The following PKD1L1 variants were observed in gnomAD, a reference collection of about 807,000 sequenced individuals.
PKD1L1 encodes the protein polycystin 1 like 1, transient receptor potential channel interacting.
In PKD1L1, 236 loss-of-function variants were observed where a neutral mutation model predicts 323.4. The ratio of observed to expected loss-of-function variants is 0.73; its 90% CI spans 0.66 to 0.81. The LOEUF is 0.81. Among genes scored for constraint, PKD1L1 ranks in the 40% least tolerant of loss-of-function variants. The pLI is 0.00. For missense variants in PKD1L1, 3,320 were observed against 3,508.0 expected, an observed-to-expected ratio of 0.95 and a Z score of 1.35; for synonymous variants, 1,344 against 1,335.0, an observed-to-expected ratio of 1.01 and a Z score of -0.15.
chr7:47,894,419 C>T (rs1786892693), intron 14 of PKD1L1, among the ~76,000 whole-genome samples: 1 of 152,204 alleles, frequency 6.6e-6, no homozygotes, highest in South Asian at 2.1e-4. Context: ...ACTTCCTTCA[C>T]CTATCTTAGA....
At chr7:47,802,981 A>G (rs1784697491) in intron 53 of PKD1L1, among the ~76,000 whole-genome samples, 1 of 152,248 alleles carries the variant, frequency 6.6e-6, no homozygotes, top group African/African-American at 2.4e-5. Flanking sequence ...TGTAAGGTAT[A>G]GTACAGAGCA....
Position 47,933,355 on chromosome 7 carries a change from G to A in PKD1L1, c.399-1299C>T, listed in dbSNP as rs751222694. Among the ~76,000 whole-genome samples, 139 of 152,062 alleles carry A rather than the reference G, an allele frequency of 9.1e-4. 1 individual carries two copies. Among genetic ancestry groups the A allele is most frequent in the Non-Finnish European group, 8.4e-4 (57 of 68,026 alleles). ...TCTGTAATTGCCCCCTTCCTGAGTCGTCATTTTTTCTTTAAAACTTGAGCC... is the reference window on the plus strand; with the variant it reads ...TCTGTAATTGCCCCCTTCCTGAGTCATCATTTTTTCTTTAAAACTTGAGCC... On this transcript the variant is annotated intron_variant, in intron 4 of 56. Coordinates refer to ENST00000289672, the MANE Select transcript of PKD1L1 (RefSeq NM_138295.5).
intron 13 of PKD1L1, among the ~76,000 whole-genome samples, chr7:47,901,437 A>G (rs983049308): frequency 6.6e-6 from 1 of 152,196 alleles, no homozygotes; most frequent in African/African-American, 2.4e-5. Context: ...TAAAAAACTC[A>G]AGAAAACCAC....
chr7:47,841,088 A>G (rs144747172), intron 34 of PKD1L1, among the ~76,000 whole-genome samples: 423 of 152,352 alleles, frequency 2.8e-3, no homozygotes, highest in South Asian at 8.9e-3. Flanking sequence ...TTCATTTAAG[A>G]AAGATATTTC....
intron 36 of PKD1L1, among the ~76,000 whole-genome samples, chr7:47,838,522 T>C (rs950066360): frequency 6.7e-6 from 1 of 148,152 alleles, no homozygotes; most frequent in African/African-American, 2.6e-5. Flanking sequence ...TGGGCCACTA[T>C]ATAGCCCTGA....
At chr7:47,866,968 G>T (rs558985361) in intron 24 of PKD1L1, among the ~76,000 whole-genome samples, 1 of 152,188 alleles carries the variant, frequency 6.6e-6, no homozygotes, top group South Asian at 2.1e-4. Context: ...CAATAATTGC[G>T]CATTTATTTA....
chr7:47,796,949 G>A (rs868782560), intron 54 of PKD1L1, among the ~76,000 whole-genome samples: 35 of 149,370 alleles, frequency 2.3e-4, no homozygotes, highest in Middle Eastern at 3.4e-3. Context: ...GCAGTGAGCA[G>A]AGATTGCGCC....
rs1785296170 is a variant in PKD1L1, at chr7:47,829,360, T to G, written c.6735+65A>C. The G allele has an allele frequency of 1.5e-5, 22 of 1,434,544 alleles. No individual in the cohort carries two copies. In the South Asian group the frequency reaches 2.9e-4, roughly 19 times the overall value. The allele number at this position is 1,434,544 out of a possible 1,614,324, so 88.9% of individuals were successfully genotyped here. On this transcript the variant is annotated intron_variant, in intron 44 of 56. Transcript: ENST00000289672. Reference sequence around the variant, plus strand: ...TGAATTCAAAGCCTACATTCAGATATGCATGATAGAATATAAAGTAGTTTT... The same window carrying G: ...TGAATTCAAAGCCTACATTCAGATAGGCATGATAGAATATAAAGTAGTTTT...
intron 41 of PKD1L1, 93 bp downstream of exon 41, chr7:47,832,997 G>T (rs372457594): frequency 6.9e-7 from 1 of 1,453,470 alleles, no homozygotes; most frequent in Non-Finnish European, 9.2e-7. Flanking sequence ...GTGACATTTG[G>T]CCCAATTGTG....
chr7:47,868,551 T>C (rs973459994), intron 24 of PKD1L1, among the ~76,000 whole-genome samples: 8 of 152,024 alleles, frequency 5.3e-5, no homozygotes, highest in Non-Finnish European at 7.4e-5. Flanking sequence ...TCTAAAAATA[T>C]ATTTGTGCTC....
Position 47,867,548 on chromosome 7 carries a change from A to T in PKD1L1, c.3897-934T>A, listed in dbSNP as rs116991790. On this transcript the variant is annotated intron_variant, in intron 24 of 56. Transcript: ENST00000289672. Reference sequence around the variant, plus strand: ...AGTTATCAATGAAAAATTATGAGACATCCAAAGAAACATTAAGTGTGACCC... The same window carrying T: ...AGTTATCAATGAAAAATTATGAGACTTCCAAAGAAACATTAAGTGTGACCC... Among the ~76,000 whole-genome samples, 461 of 152,342 alleles carry T rather than the reference A, an allele frequency of 3.0e-3. 3 individuals are homozygous for T. Among genetic ancestry groups the T allele is most frequent in the Non-Finnish European group, 5.0e-3 (340 of 68,030 alleles).
Position 47,931,290 on chromosome 7 carries a change from C to T in PKD1L1, c.551G>A (p.Cys184Tyr). ...LQGTTSAAAPCSLKMEASCCV... is the reference protein window; with the variant it reads ...LQGTTSAAAPYSLKMEASCCV... Reference sequence around the variant, plus strand: ...GCAGGAAGCCTCCATCTTCAGGCTGCAGGGAGCTGCTGCAGAAGTGGTGCC... The same window carrying T: ...GCAGGAAGCCTCCATCTTCAGGCTGTAGGGAGCTGCTGCAGAAGTGGTGCC... Residue 184 changes from cysteine (C) to tyrosine (Y), a missense_variant, in exon 6 of 57, where the codon TGC becomes TAC. Coordinates refer to ENST00000289672, the MANE Select transcript of PKD1L1 (RefSeq NM_138295.5). 2 of 1,614,242 alleles carry T rather than the reference C, an allele frequency of 1.2e-6. No homozygotes were observed. Among genetic ancestry groups the T allele is most frequent in the South Asian group, 1.1e-5 (1 of 91,090 alleles).
At chr7:47,959,696 T>TG in the PKD1L1 span, among the ~76,000 whole-genome samples, 26 of 123,096 alleles carry the variant, frequency 2.1e-4, 2 homozygotes, top group African/African-American at 5.9e-4. Context: ...GGGAGGGAGG[T>TG]GGGGGGGTCA....
chr7:47,809,629 T>C (rs752258718), intron 50 of PKD1L1, 52 bp from the exon 51 acceptor site: 1 of 1,387,036 alleles, frequency 7.2e-7, no homozygotes. Flanking sequence ...TGATAAATTG[T>C]TTTTTGAAGG....
intron 54 of PKD1L1, among the ~76,000 whole-genome samples, chr7:47,799,917 G>A (rs1230927077): frequency 6.6e-6 from 1 of 152,082 alleles, no homozygotes; most frequent in Admixed American, 6.5e-5. Flanking sequence ...CGGCAGGGAG[G>A]GGTAAAATAT....
At chr7:47,953,516 G>C in the PKD1L1 span, among the ~76,000 whole-genome samples, 1 of 152,188 alleles carries the variant, frequency 6.6e-6, no homozygotes, top group South Asian at 2.1e-4. Flanking sequence ...GTCCCTCTCA[G>C]CTTCCCCATG....
chr7:47,812,041 G>C lies in PKD1L1; in HGVS notation c.7357C>G (p.His2453Asp). ...LSLGRTRTEAHTALSRLRASM... is the reference protein window; with the variant it reads ...LSLGRTRTEADTALSRLRASM... The stretch of plus-strand genomic sequence containing the variant: ...GCCCTGAGTCGGGACAGGGCTGTGT[G>C]GGCTTCAGTCCTGTAAAACAGCACA... Residue 2453 changes from histidine to aspartate, a missense_variant, in exon 50 of 57, where the codon CAC (histidine) becomes GAC (aspartate). By Grantham distance (81) the His-to-Asp change is moderately conservative (BLOSUM62 -1). Coordinates refer to ENST00000289672, the MANE Select transcript of PKD1L1 (RefSeq NM_138295.5). The C allele has an allele frequency of 6.4e-7, 1 of 1,560,796 alleles. No individual in the cohort carries two copies. The highest frequency in any genetic ancestry group is 8.7e-7 in the Non-Finnish European group (1 of 1,152,334).
In PKD1L1 at chr7:47,948,419, T is replaced by G. The variant is rs1216325577; in HGVS notation, c.22A>C (p.Asn8His). The change falls in exon 1 of 57, where the codon AAC becomes CAC. Residue 8 changes from asparagine to histidine, a missense_variant. By Grantham distance (68) the Asn-to-His change is moderately conservative. Transcript: ENST00000289672. ...CACCTTTCCTGGTCATCAGAAATGTTCTGGGCTGCCTCCTCGGCCATGTCC... is the reference window on the plus strand; with the variant it reads ...CACCTTTCCTGGTCATCAGAAATGTGCTGGGCTGCCTCCTCGGCCATGTCC... The part of the protein sequence containing the change: MAEEAAQ[N>H]ISDDQERCLQ... 6.2e-7 allele frequency: 1 copy of G among 1,614,158 alleles called. No homozygotes were observed. The highest frequency in any genetic ancestry group is 8.5e-7 in the Non-Finnish European group (1 of 1,180,034).
rs192412841 is a variant in PKD1L1, at chr7:47,921,809, T to C, written c.1061-6210A>G. Among the ~76,000 whole-genome samples the C allele has an allele frequency of 7.2e-3, 1,102 of 152,300 alleles. 4 individuals are homozygous for C. Among genetic ancestry groups the C allele is most frequent in the Middle Eastern group, 0.017 (5 of 292 alleles). On this transcript the variant is annotated intron_variant, in intron 7 of 56. Coordinates refer to ENST00000289672, the MANE Select transcript of PKD1L1 (RefSeq NM_138295.5). ...TAGGAATGGAAAACCAAACATCGTATGTTCTCACTTATAAGTGAGAGCTAA... is the reference window on the plus strand; with the variant it reads ...TAGGAATGGAAAACCAAACATCGTACGTTCTCACTTATAAGTGAGAGCTAA...
Sources: allele counts gnomAD v4.1 joint callset (sites outside exome capture counted in the v4.1 genomes callset), GRCh38; gene constraint gnomAD v4.1.1; transcripts MANE v1.5; gene names NCBI Gene and HGNC (gene_info 2026-07-23, HGNC 2026-07-21).